HS6ST1: variants seen among roughly 807,000 people sequenced by gnomAD.
The protein encoded by HS6ST1 is heparan sulfate 6-O-sulfotransferase 1.
A neutral mutation model predicts 25.2 loss-of-function variants in HS6ST1; 3 were observed. That is an observed-to-expected ratio of 0.12 (90% CI 0.05 to 0.31). The LOEUF is 0.31. HS6ST1 is among the 10% of genes least tolerant of loss of function. The pLI, the probability that HS6ST1 is intolerant of heterozygous loss-of-function variation, is 1.00. For synonymous variants in HS6ST1, 204 were observed against 275.1 expected (o/e 0.74, Z 2.56); for missense variants, 310 against 609.6 (o/e 0.51, Z 5.18).
At position 128,268,202 on chromosome 2, in the gene HS6ST1, G is replaced by A. The variant is rs200341490; in HGVS notation, c.1196C>T (p.Pro399Leu). 66 of 1,610,172 alleles carry A rather than the reference G, an allele frequency of 4.1e-5. No individual in the cohort carries two copies. The highest frequency in any genetic ancestry group is 5.3e-5 in the Non-Finnish European group (63 of 1,179,224). ...REDADEPGRV[P>L]TEDYMSHIIE... ...GATGTGGCTCATGTAGTCCTCGGTG[G>A]GCACGCGGCCCGGCTCGTCGGCATC... Residue 399 changes from proline to leucine, a missense_variant, in exon 2 of 2, where the codon CCC (proline) becomes CTC (leucine). This residue lies in a region of HS6ST1 where 140 missense variants were observed against 176.5 expected (regional missense o/e 0.79). Coordinates refer to ENST00000259241, the MANE Select transcript of HS6ST1 (RefSeq NM_004807.3).
At chr2:128,300,728 A>G (rs1319517325) in intron 1 of HS6ST1, among the ~76,000 whole-genome samples, 1 of 152,122 alleles carries the variant, frequency 6.6e-6, no homozygotes, top group East Asian at 1.9e-4. Flanking sequence ...CGGCAGCATC[A>G]CCTGGCCACA....
chr2:128,272,798 G>A (rs1693630242), intron 1 of HS6ST1, among the ~76,000 whole-genome samples: 1 of 152,218 alleles, frequency 6.6e-6, no homozygotes, highest in Non-Finnish European at 1.5e-5. Context: ...GTGAGCTGCT[G>A]AAGACAGACA....
At chr2:128,299,743 G>C (rs1220544236) in intron 1 of HS6ST1, among the ~76,000 whole-genome samples, 1 of 152,228 alleles carries the variant, frequency 6.6e-6, no homozygotes, top group Non-Finnish European at 1.5e-5. Context: ...GAGAGACAGA[G>C]GCACACAGGG....
intron 1 of HS6ST1, among the ~76,000 whole-genome samples, chr2:128,278,150 G>A (rs1358830550): frequency 6.6e-6 from 1 of 152,250 alleles, no homozygotes; most frequent in Non-Finnish European, 1.5e-5. Context: ...GGCGGGGCAG[G>A]CAGGCACGAG....
At chr2:128,278,637 T>G (rs1411671804) in intron 1 of HS6ST1, among the ~76,000 whole-genome samples, 1 of 152,064 alleles carries the variant, frequency 6.6e-6, no homozygotes, top group East Asian at 1.9e-4. Flanking sequence ...GTCCTGAAGA[T>G]GTGGAGAAAG....
At chr2:128,281,476 G>A (rs889648316) in intron 1 of HS6ST1, among the ~76,000 whole-genome samples, 1 of 152,232 alleles carries the variant, frequency 6.6e-6, no homozygotes, top group Non-Finnish European at 1.5e-5. Context: ...TGTCCTTAGA[G>A]ACAGCCTTCT....
intron 1 of HS6ST1, among the ~76,000 whole-genome samples, chr2:128,270,695 C>T (rs1027437902): frequency 6.6e-5 from 10 of 152,194 alleles, no homozygotes; most frequent in South Asian, 4.1e-4. Flanking sequence ...GGCATAGGGC[C>T]GCATGGACCT....
chr2:128,272,390 G>A (rs1247930446), intron 1 of HS6ST1, among the ~76,000 whole-genome samples: 1 of 152,238 alleles, frequency 6.6e-6, no homozygotes, highest in East Asian at 1.9e-4. Flanking sequence ...CAGTGCAGGA[G>A]TGCGAGAAGA....
chr2:128,309,611 C>T (rs1258169747), intron 1 of HS6ST1, among the ~76,000 whole-genome samples: 1 of 152,264 alleles, frequency 6.6e-6, no homozygotes, highest in Non-Finnish European at 1.5e-5. Context: ...GAGTTTCAAT[C>T]TCTCCAGTTT....
At chr2:128,300,525 T>C (rs1694108515) in intron 1 of HS6ST1, among the ~76,000 whole-genome samples, 1 of 152,158 alleles carries the variant, frequency 6.6e-6, no homozygotes, top group East Asian at 1.9e-4. Context: ...TCTTGGGCCC[T>C]GAAGCTGAGC....
chr2:128,286,503 G>C (rs1693862966), intron 1 of HS6ST1, among the ~76,000 whole-genome samples: 1 of 152,222 alleles, frequency 6.6e-6, no homozygotes. Context: ...ACAGGCAGGA[G>C]GCCGGGCAGG....
intron 1 of HS6ST1, among the ~76,000 whole-genome samples, chr2:128,292,867 G>C (rs1279376648): frequency 3.9e-5 from 6 of 152,106 alleles, no homozygotes; most frequent in African/African-American, 1.4e-4. Flanking sequence ...TCGACTCACA[G>C]GAGGGCACCT....
intron 1 of HS6ST1, among the ~76,000 whole-genome samples, chr2:128,271,317 G>C (rs13386088): frequency 0.12 from 17,641 of 152,258 alleles, 1,263 homozygotes; most frequent in Non-Finnish European, 0.15. Flanking sequence ...CTTAGAGCCT[G>C]CTGGTCATGT....
At chr2:128,271,528 G>T (rs868707518) in intron 1 of HS6ST1, among the ~76,000 whole-genome samples, 15 of 152,338 alleles carry the variant, frequency 9.8e-5, no homozygotes, top group Non-Finnish European at 1.6e-4. Flanking sequence ...AGCTCTGGGG[G>T]TGCAGAACAC....
At chr2:128,269,345 G>C (rs1221140022) in intron 1 of HS6ST1, among the ~76,000 whole-genome samples, 1 of 152,222 alleles carries the variant, frequency 6.6e-6, no homozygotes, top group East Asian at 1.9e-4. Flanking sequence ...GGTGGTTGGG[G>C]GGGGGGTGCC....
chr2:128,282,793 C>A (rs375903275), intron 1 of HS6ST1, among the ~76,000 whole-genome samples: 1 of 152,222 alleles, frequency 6.6e-6, no homozygotes, highest in Non-Finnish European at 1.5e-5. Flanking sequence ...CTGGGCACTG[C>A]GGAGGAGCAG....
intron 1 of HS6ST1, among the ~76,000 whole-genome samples, chr2:128,276,355 C>T (rs187123597): frequency 9.9e-4 from 150 of 152,278 alleles, no homozygotes; most frequent in African/African-American, 3.3e-3. Flanking sequence ...AGGCTGGTCT[C>T]GAACTCCTGA....
At chr2:128,317,473 A>G (rs1207587060) in intron 1 of HS6ST1, among the ~76,000 whole-genome samples, 1 of 152,224 alleles carries the variant, frequency 6.6e-6, no homozygotes. Context: ...CCCCAGGTCA[A>G]CAGGGCCTTT....
rs1385867494 is a variant in HS6ST1, at chr2:128,268,150, C to T, written c.*12G>A. The T allele has an allele frequency of 8.8e-6, 14 of 1,588,248 alleles. No individual in the cohort carries two copies. Among genetic ancestry groups the T allele is most frequent in the South Asian group, 2.2e-5 (2 of 89,086 alleles). ...CACCCCCCAAGAGGCCTCCCCGTGG[C>T]CACCACCGCCACTACCACTTCTCAA... On this transcript the variant is annotated 3_prime_UTR_variant, in exon 2 of 2. Coordinates refer to ENST00000259241, the MANE Select transcript of HS6ST1 (RefSeq NM_004807.3).
Sources: gnomAD v4.1 joint callset for allele counts (sites outside exome capture counted in the v4.1 genomes callset) on GRCh38, gnomAD v4.1.1 for gene constraint, gnomAD v4.1.1 regional missense constraint, MANE v1.5 for transcripts, NCBI Gene and HGNC (gene_info 2026-07-23, HGNC 2026-07-21) for gene names.